ANKS1B: variants seen among roughly 807,000 people sequenced by gnomAD.
ANKS1B encodes ankyrin repeat and sterile alpha motif domain-containing protein 1B.
A neutral mutation model predicts 148.3 loss-of-function variants in ANKS1B; 36 were observed. The ratio of observed to expected loss-of-function variants is 0.24; its 90% CI spans 0.19 to 0.32. ANKS1B has a LOEUF of 0.32. Ranked by LOEUF, ANKS1B falls within the 10% of genes least tolerant of loss-of-function variation. ANKS1B has a pLI of 1.00. For missense variants in ANKS1B, 1,157 were observed against 1,542.6 expected, an observed-to-expected ratio of 0.75 and a Z score of 4.19; for synonymous variants, 542 against 560.8, an observed-to-expected ratio of 0.97 and a Z score of 0.47.
chr12:99,489,685 T>C (rs1002917764), intron 10 of ANKS1B, among the ~76,000 whole-genome samples: 1 of 152,212 alleles, frequency 6.6e-6, no homozygotes, highest in Non-Finnish European at 1.5e-5. Context: ...TCCTCATAGA[T>C]GCCTGTGACT....
intron 17 of ANKS1B, among the ~76,000 whole-genome samples, chr12:98,959,973 C>T (rs2099868477): frequency 6.6e-6 from 1 of 152,176 alleles, no homozygotes; most frequent in Admixed American, 6.5e-5. Flanking sequence ...TCGAGTAAGG[C>T]ACCAGGTATA....
Position 98,906,619 on chromosome 12 carries a change from T to A in ANKS1B, c.2779-74483A>T, listed in dbSNP as rs147078398. ...GCTTCCCTCTGTCACTCAGGATGCA[T>A]GGCCACTGTTGGTTGAAGGAACTAT... is the stretch of plus-strand genomic sequence containing the variant. On this transcript the variant is annotated intron_variant, in intron 17 of 26. Transcript: ENST00000683438. Among the ~76,000 whole-genome samples, 38 of 152,314 alleles carry A rather than the reference T, an allele frequency of 2.5e-4. 1 individual carries two copies. In the East Asian group the frequency reaches 6.8e-3, roughly 27 times the overall value.
chr12:98,868,479 T>C (rs977440789), intron 17 of ANKS1B, among the ~76,000 whole-genome samples: 3 of 152,244 alleles, frequency 2.0e-5, no homozygotes, highest in Non-Finnish European at 4.4e-5. Flanking sequence ...TGGCTTTAAA[T>C]GAGCATGAAG....
chr12:99,615,162 G>A (rs1331678276), intron 9 of ANKS1B, among the ~76,000 whole-genome samples: 3 of 151,344 alleles, frequency 2.0e-5, no homozygotes, highest in Non-Finnish European at 1.5e-5. Flanking sequence ...AGGTAGGTAG[G>A]CAGATAGATT....
chr12:99,485,180 C>CT (rs1567193617), intron 10 of ANKS1B, among the ~76,000 whole-genome samples: 1 of 151,872 alleles, frequency 6.6e-6, no homozygotes, highest in Admixed American at 6.6e-5. Context: ...TTTAGAACAC[C>CT]TTTTAGCACT....
intron 1 of ANKS1B, among the ~76,000 whole-genome samples, chr12:99,894,323 G>GGGAC (rs1345571559): frequency 0.074 from 8,687 of 116,604 alleles, 923 homozygotes; most frequent in Non-Finnish European, 0.12. Context: ...GAGGGAGGGA[G>GGGAC]GGAGGGAAAG....
At chr12:99,419,041 G>A (rs1049994772) in intron 11 of ANKS1B, among the ~76,000 whole-genome samples, 1 of 151,988 alleles carries the variant, frequency 6.6e-6, no homozygotes, top group East Asian at 1.9e-4. Flanking sequence ...CTAATATTTT[G>A]TTAGGAATTT....
chr12:99,027,068 AAAT>A (rs1439726636), intron 17 of ANKS1B, among the ~76,000 whole-genome samples: 8 of 152,332 alleles, frequency 5.3e-5, no homozygotes, highest in Admixed American at 2.0e-4. Context: ...CTGGCTTCTC[AAAT>A]AATAGAGATC....
At chr12:99,184,671 C>T (rs1202830467) in intron 14 of ANKS1B, among the ~76,000 whole-genome samples, 1 of 152,078 alleles carries the variant, frequency 6.6e-6, no homozygotes. Context: ...TATCTAAGTT[C>T]GTCAAGAGTT....
intron 17 of ANKS1B, among the ~76,000 whole-genome samples, chr12:99,042,421 G>T (rs59365416): frequency 2.0e-5 from 3 of 152,194 alleles, no homozygotes; most frequent in South Asian, 2.1e-4. Flanking sequence ...TATGCCAGAA[G>T]ACTAGAGCCA....
At chr12:99,792,885 T>C (rs1192609597) in intron 4 of ANKS1B, among the ~76,000 whole-genome samples, 1 of 151,868 alleles carries the variant, frequency 6.6e-6, no homozygotes, top group African/African-American at 2.4e-5. Context: ...GCATCCAAAT[T>C]GGAAAGGAAG....
At chr12:99,610,112 C>T (rs752971156) in intron 9 of ANKS1B, among the ~76,000 whole-genome samples, 5 of 152,000 alleles carry the variant, frequency 3.3e-5, no homozygotes, top group Admixed American at 2.0e-4. Context: ...AAAAGGTTAA[C>T]AAGAAAAGCA....
At chr12:99,478,705 T>G (rs533144162) in intron 10 of ANKS1B, among the ~76,000 whole-genome samples, 28 of 152,166 alleles carry the variant, frequency 1.8e-4, no homozygotes, top group Non-Finnish European at 4.0e-4. Flanking sequence ...AAGAAGGATT[T>G]TATCAAAGTT....
At chr12:98,931,777 C>G (rs781099932) in intron 17 of ANKS1B, 1 of 152,150 alleles carries the variant, frequency 6.6e-6, no homozygotes, top group Non-Finnish European at 1.5e-5. Context: ...TTTACCCCCT[C>G]GAGCTTATCC....
At chr12:99,384,894 T>C (rs761069016) in intron 12 of ANKS1B, among the ~76,000 whole-genome samples, 2 of 152,204 alleles carry the variant, frequency 1.3e-5, no homozygotes, top group Non-Finnish European at 1.5e-5. Context: ...TTCCAGTATC[T>C]TGCCTGGATA....
At position 99,660,363 on chromosome 12, in the gene ANKS1B, C is replaced by CTTT. The variant is rs71088137; in HGVS notation, c.1129-5156_1129-5154dup. ...TACCTTTATCTTTCTTTTTCTTTTT[C>CTTT]TTTTTTTTTTTTTTTTTTGAGGTGG... On this transcript the variant is annotated intron_variant, in intron 8 of 26. Coordinates refer to ENST00000683438, the MANE Select transcript of ANKS1B (RefSeq NM_001352186.2). Among the ~76,000 whole-genome samples the CTTT allele has an allele frequency of 7.6e-4, 92 of 120,562 alleles. 3 individuals carry two copies. Among genetic ancestry groups the CTTT allele is most frequent in the African/African-American group, 2.3e-3 (70 of 30,654 alleles). The allele number at this position is 120,562 out of a possible 152,430, so 79.1% of individuals were successfully genotyped here.
At chr12:99,003,354 T>C (rs1392771291) in intron 17 of ANKS1B, among the ~76,000 whole-genome samples, 1 of 152,194 alleles carries the variant, frequency 6.6e-6, no homozygotes, top group Non-Finnish European at 1.5e-5. Flanking sequence ...TTGTTTTGCC[T>C]ATTTCTATAA....
At chr12:99,589,249 C>CT (rs545432727) in intron 9 of ANKS1B, among the ~76,000 whole-genome samples, 13 of 152,194 alleles carry the variant, frequency 8.5e-5, no homozygotes, top group Non-Finnish European at 1.8e-4. Context: ...AGCTCAAGTG[C>CT]TTAAGGTCAC....
intron 8 of ANKS1B, among the ~76,000 whole-genome samples, chr12:99,770,271 T>C (rs1348745994): frequency 1.3e-5 from 2 of 152,166 alleles, no homozygotes; most frequent in African/African-American, 4.8e-5. Flanking sequence ...ATGTTAGCCT[T>C]CAGTTATAGT....
Sources: allele counts gnomAD v4.1 joint callset (sites outside exome capture counted in the v4.1 genomes callset), GRCh38; gene constraint gnomAD v4.1.1; transcripts MANE v1.5; gene names NCBI Gene and HGNC (gene_info 2026-07-23, HGNC 2026-07-21).